The following PIEZO2 variants were observed in gnomAD, a reference collection of about 807,000 sequenced individuals.
The protein encoded by PIEZO2 is piezo type mechanosensitive ion channel component 2, also known as piezo-type mechanosensitive ion channel component 2.
In PIEZO2, 172 loss-of-function variants were observed where a neutral mutation model predicts 337.3. The ratio of observed to expected loss-of-function variants is 0.51; its 90% CI spans 0.45 to 0.58. PIEZO2 has a LOEUF of 0.58. Ranked by LOEUF, PIEZO2 falls within the 20% of genes least tolerant of loss-of-function variation. PIEZO2 has a pLI of 0.00. For missense variants in PIEZO2, 3,028 were observed against 3,391.3 expected, an observed-to-expected ratio of 0.89 and a Z score of 2.66; for synonymous variants, 1,251 against 1,228.5, an observed-to-expected ratio of 1.02 and a Z score of -0.38.
At chr18:11,053,954 G>T (rs551638575) in intron 2 of PIEZO2, among the ~76,000 whole-genome samples, 2 of 152,128 alleles carry the variant, frequency 1.3e-5, no homozygotes, top group South Asian at 2.1e-4. Flanking sequence ...CACCTGGGAG[G>T]TGGAGGCTGC....
chr18:10,718,978 AAAATAAAT>A (rs372748367), intron 36 of PIEZO2, among the ~76,000 whole-genome samples: 2,910 of 143,020 alleles, frequency 0.02, 30 homozygotes, highest in African/African-American at 0.034. Context: ...GACCTTGTCT[AAAATAAAT>A]AAATAAATAA....
rs1020612159 is a variant in PIEZO2, at chr18:10,784,609, A to T, written c.2492+175T>A. ...ATAAGTCACTACCCATTGTTTCAGA[A>T]CGTGTCACAGAATCTTCCACATGTT... is the stretch of plus-strand genomic sequence containing the variant. On this transcript the variant is annotated intron_variant, in intron 17 of 55. Coordinates refer to ENST00000674853, the MANE Select transcript of PIEZO2 (RefSeq NM_001378183.1). The surrounding 1 kb of genome is among the most constrained non-coding windows in gnomAD (Gnocchi z 4.5). Among the ~76,000 whole-genome samples the T allele has an allele frequency of 6.6e-6, 1 of 152,218 alleles. No individual in the cohort carries two copies. The highest frequency in any genetic ancestry group is 1.5e-5 in the Non-Finnish European group (1 of 68,036).
rs1269569975 is a variant in PIEZO2 at position 11,077,695 on chromosome 18, G to T, written c.65-11473C>A. 1.3e-5 allele frequency among the ~76,000 whole-genome samples: 2 copies of T among 151,462 alleles called. No homozygotes were observed. The highest frequency in any genetic ancestry group is 6.6e-5 in the Admixed American group (1 of 15,190). On this transcript the variant is annotated intron_variant, in intron 1 of 55. Coordinates refer to ENST00000674853, the MANE Select transcript of PIEZO2 (RefSeq NM_001378183.1). The surrounding 1 kb of genome is among the most constrained non-coding windows in gnomAD (Gnocchi z 4.8). ...ATAGATTCATAGAGATTTCAAGTTT[G>T]GGAAGTTGTTGCTCCATTTTCATTA...
chr18:11,007,725 C>A (rs150274681), intron 2 of PIEZO2, among the ~76,000 whole-genome samples: 2 of 152,240 alleles, frequency 1.3e-5, no homozygotes, highest in African/African-American at 4.8e-5. Context: ...GGTAAGAATG[C>A]TGAACTGAGG....
intron 7 of PIEZO2, among the ~76,000 whole-genome samples, chr18:10,841,405 T>C (rs557611643): frequency 2.0e-5 from 3 of 152,070 alleles, no homozygotes; most frequent in Admixed American, 6.5e-5. Context: ...TGAGCCACAG[T>C]GGGGGAGGCC....
chr18:10,856,969 T>C lies in PIEZO2; in HGVS notation c.703+32A>G, dbSNP rs927592027. On this transcript the variant is annotated intron_variant, in intron 6 of 55. Coordinates refer to ENST00000674853, the MANE Select transcript of PIEZO2 (RefSeq NM_001378183.1). The surrounding 1 kb of genome is among the most constrained non-coding windows in gnomAD (Gnocchi z 4.7). ...TCACCAAAGCACTGCTTGTGCCTTT[T>C]GCTACGTGCAGCCAGTGTGGGAGAC... 6 of 1,526,706 alleles carry C rather than the reference T, an allele frequency of 3.9e-6. No individual in the cohort carries two copies. The highest frequency in any genetic ancestry group is 5.3e-6 in the Non-Finnish European group (6 of 1,137,810). The allele number at this position is 1,526,706 out of a possible 1,614,324, so 94.6% of individuals were successfully genotyped here. A position where few individuals can be genotyped will look rare whatever the true frequency, so the allele number is the denominator to read the frequency against.
chr18:11,050,747 C>G lies in PIEZO2; in HGVS notation c.160+15380G>C, dbSNP rs187315733. 2.8e-3 allele frequency among the ~76,000 whole-genome samples: 429 copies of G among 151,364 alleles called. 2 individuals carry two copies. The highest frequency in any genetic ancestry group is 0.01 in the African/African-American group (413 of 40,968). ...ACAGTAAGCCCCTCCCTTCCTACCC[C>G]TTTCTAATTCTGCCTCTCCAAATGT... On this transcript the variant is annotated intron_variant, in intron 2 of 55. Transcript: ENST00000674853.
At chr18:11,134,996 G>A (rs1029861216) in intron 1 of PIEZO2, among the ~76,000 whole-genome samples, 3 of 150,882 alleles carry the variant, frequency 2.0e-5, no homozygotes, top group Non-Finnish European at 4.4e-5. Context: ...CCCCACCCAC[G>A]GTGTTGTGTA....
chr18:11,134,959 T>G (rs367918253), intron 1 of PIEZO2, among the ~76,000 whole-genome samples: 6 of 151,740 alleles, frequency 4.0e-5, no homozygotes, highest in African/African-American at 1.5e-4. Context: ...ATGGATAAGC[T>G]CTGAACCCTC....
At chr18:10,671,885 A>G in intron 55 of PIEZO2, 106 bp from the exon 56 acceptor site, 1 of 1,043,368 alleles carries the variant, frequency 9.6e-7, no homozygotes, top group Non-Finnish European at 1.3e-6. Flanking sequence ...ATTCTGTAGA[A>G]GAAATAAGCA....
At position 10,883,626 on chromosome 18, in the gene PIEZO2, C is replaced by G. The variant is rs188013389; in HGVS notation, c.330-12211G>C. On this transcript the variant is annotated intron_variant, in intron 4 of 55. Coordinates refer to ENST00000674853, the MANE Select transcript of PIEZO2 (RefSeq NM_001378183.1). Reference sequence around the variant, plus strand: ...TTTTCATGGGAAGGACACTTAAAATCTACTCTCTAAGCAATTTCCAAGAAT... The same window carrying G: ...TTTTCATGGGAAGGACACTTAAAATGTACTCTCTAAGCAATTTCCAAGAAT... Among the ~76,000 whole-genome samples the G allele has an allele frequency of 3.9e-5, 6 of 152,224 alleles. No homozygotes were observed. In the East Asian group the frequency reaches 1.2e-3, roughly 29 times the overall value.
rs2040263801 is a variant in PIEZO2, at chr18:11,129,022, T to C, written c.64+19503A>G. On this transcript the variant is annotated intron_variant, in intron 1 of 55. Transcript: ENST00000674853. The surrounding 1 kb of genome is among the most constrained non-coding windows in gnomAD (Gnocchi z 4.6). ...AGTTTATTTGCTTGGTTGGTTAAAA[T>C]GTGGATTAAAAGATGGCCCACTATG... Among the ~76,000 whole-genome samples the C allele has an allele frequency of 6.6e-6, 1 of 152,138 alleles. No individual in the cohort carries two copies. Among genetic ancestry groups the C allele is most frequent in the Admixed American group, 6.5e-5 (1 of 15,270 alleles).
Position 10,751,075 on chromosome 18 carries a change from A to G in PIEZO2, c.4168-888T>C, listed in dbSNP as rs534473795. ...CCTGTTCCCAGCTTATCTAAGCAAG[A>G]TATTAGGCATCCTTTTGTTTCTCAA... On this transcript the variant is annotated intron_variant, in intron 28 of 55. Coordinates refer to ENST00000674853, the MANE Select transcript of PIEZO2 (RefSeq NM_001378183.1). Among the ~76,000 whole-genome samples the G allele has an allele frequency of 2.0e-5, 3 of 152,340 alleles. No individual in the cohort carries two copies. The South Asian group carries it at 6.2e-4, about 32-fold the overall frequency.
intron 2 of PIEZO2, among the ~76,000 whole-genome samples, chr18:11,023,729 CAGG>C (rs1421476318): frequency 2.0e-5 from 3 of 152,212 alleles, no homozygotes; most frequent in Non-Finnish European, 4.4e-5. Flanking sequence ...TAGGGCCGCA[CAGG>C]AGCCCACGGA....
At chr18:10,686,663 G>A (rs2034558458) in intron 49 of PIEZO2, among the ~76,000 whole-genome samples, 1 of 152,214 alleles carries the variant, frequency 6.6e-6, no homozygotes, top group Non-Finnish European at 1.5e-5. Context: ...AAGCCCCAAT[G>A]TGGGAAGTAT....
At chr18:10,694,160 T>C (rs1366374786) in intron 47 of PIEZO2, among the ~76,000 whole-genome samples, 2 of 151,838 alleles carry the variant, frequency 1.3e-5, no homozygotes, top group Non-Finnish European at 2.9e-5. Context: ...TTTATTATTA[T>C]AAAGCAATAA....
chr18:11,051,722 A>G (rs1022933841), intron 2 of PIEZO2, among the ~76,000 whole-genome samples: 1 of 152,244 alleles, frequency 6.6e-6, no homozygotes, highest in Admixed American at 6.5e-5. Flanking sequence ...CTTTACTGAT[A>G]ATATCAGAAC....
intron 2 of PIEZO2, among the ~76,000 whole-genome samples, chr18:11,000,520 G>A (rs1422288377): frequency 6.6e-6 from 1 of 152,176 alleles, no homozygotes; most frequent in Non-Finnish European, 1.5e-5. Flanking sequence ...GACAAGGGAA[G>A]AGGACAGGGA....
chr18:10,816,227 C>T (rs1200385582), intron 7 of PIEZO2, among the ~76,000 whole-genome samples: 3 of 152,160 alleles, frequency 2.0e-5, no homozygotes, highest in African/African-American at 7.2e-5. Flanking sequence ...TTTGGTGAAC[C>T]TAATATCTGT....
Sources: gnomAD v4.1 joint callset for allele counts (sites outside exome capture counted in the v4.1 genomes callset) on GRCh38, gnomAD v4.1.1 for gene constraint, Gnocchi (gnomAD v3.1) non-coding constraint, MANE v1.5 for transcripts, NCBI Gene and HGNC (gene_info 2026-07-23, HGNC 2026-07-21) for gene names.